The following PHF20 variants were observed in gnomAD, a reference collection of about 807,000 sequenced individuals.
PHF20 encodes the protein glioma-expressed antigen 2.
A neutral mutation model predicts 113.5 loss-of-function variants in PHF20; 23 were observed. The observed-to-expected ratio is 0.20, with a 90% CI of 0.15 to 0.29. PHF20 has a LOEUF of 0.29. PHF20 is among the 10% of genes least tolerant of loss of function. The pLI is 1.00. For synonymous variants in PHF20, 434 were observed against 457.3 expected, an observed-to-expected ratio of 0.95 and a Z score of 0.65; for missense variants, 943 against 1,219.6, an observed-to-expected ratio of 0.77 and a Z score of 3.38.
At chr20:35,836,036 G>A (rs1030839839) in intron 2 of PHF20, among the ~76,000 whole-genome samples, 1 of 151,902 alleles carries the variant, frequency 6.6e-6, no homozygotes, top group Non-Finnish European at 1.5e-5. Flanking sequence ...TTAGATGGGG[G>A]TCTCACTCTG....
chr20:35,934,136 A>T (rs1275951209), intron 15 of PHF20, among the ~76,000 whole-genome samples: 5 of 152,184 alleles, frequency 3.3e-5, no homozygotes, highest in Admixed American at 1.3e-4. Context: ...CTTTGTGCTG[A>T]TCAGGCCTAG....
intron 15 of PHF20, among the ~76,000 whole-genome samples, chr20:35,937,323 C>A (rs1324929921): frequency 6.6e-6 from 1 of 151,968 alleles, no homozygotes; most frequent in Non-Finnish European, 1.5e-5. Context: ...ACAAAATTAG[C>A]TGGGCATGGT....
chr20:35,947,533 C>A lies in PHF20; in HGVS notation c.2945C>A (p.Pro982Gln). 1 of 1,614,014 alleles carries A rather than the reference C, an allele frequency of 6.2e-7. No homozygotes were observed. The highest frequency in any genetic ancestry group is 8.5e-7 in the Non-Finnish European group (1 of 1,179,958). ...ACTGGGGAACTGGAGCCCCCTGAGC[C>A]GCTGGCCAGGCTTCCGCAGCTCAAG... ...DYTGELEPPE[P>Q]LARLPQLKHC... Residue 982 changes from proline (P) to glutamine (Q), a missense_variant, in exon 18 of 18, where the codon CCG (proline) becomes CAG (glutamine). This residue lies in a region of PHF20 where 349 missense variants were observed against 412.3 expected (regional missense o/e 0.85). Coordinates refer to ENST00000374012, the MANE Select transcript of PHF20 (RefSeq NM_016436.5).
intron 17 of PHF20, among the ~76,000 whole-genome samples, chr20:35,944,778 G>C (rs377354579): frequency 2.6e-5 from 4 of 152,200 alleles, no homozygotes; most frequent in South Asian, 4.1e-4. Flanking sequence ...TGTTGGCCAG[G>C]CTTGTCTTGA....
intron 1 of PHF20, among the ~76,000 whole-genome samples, chr20:35,783,714 C>T (rs1337563397): frequency 1.3e-5 from 2 of 151,582 alleles, no homozygotes; most frequent in African/African-American, 4.8e-5. Context: ...GGGCATGGTG[C>T]CTCACTCCTG....
chr20:35,780,910 A>G (rs371043260), intron 1 of PHF20, among the ~76,000 whole-genome samples: 27 of 101,882 alleles, frequency 2.7e-4, no homozygotes, highest in South Asian at 6.1e-4. Context: ...CTGGAGTGCA[A>G]TGGCACGATC....
chr20:35,930,475 G>A (rs80288574), intron 14 of PHF20, among the ~76,000 whole-genome samples: 1 of 152,028 alleles, frequency 6.6e-6, no homozygotes, highest in African/African-American at 2.4e-5. Context: ...CCACTCCTGG[G>A]CAACATGGCA....
At chr20:35,837,626 G>C (rs920961901) in intron 2 of PHF20, among the ~76,000 whole-genome samples, 1 of 152,240 alleles carries the variant, frequency 6.6e-6, no homozygotes, top group African/African-American at 2.4e-5. Context: ...TTGATTATCA[G>C]CAATTAAATG....
chr20:35,917,380 G>T (rs1568761951), intron 12 of PHF20, 104 bp from the exon 13 acceptor site: 2 of 1,009,178 alleles, frequency 2.0e-6, no homozygotes, highest in Non-Finnish European at 3.1e-6. Context: ...GAATGTTCTT[G>T]TTTGGAGGTA....
intron 10 of PHF20, among the ~76,000 whole-genome samples, chr20:35,903,077 CTT>C (rs376888832): frequency 5.0e-5 from 3 of 60,002 alleles, no homozygotes; most frequent in Non-Finnish European, 9.9e-5. Flanking sequence ...CCTATCCTTT[CTT>C]TTTTTTTTTT....
chr20:35,786,042 AAAAC>A (rs2041404096), intron 1 of PHF20, among the ~76,000 whole-genome samples: 1 of 150,420 alleles, frequency 6.6e-6, no homozygotes, highest in African/African-American at 2.4e-5. Context: ...AAAAAAAAAA[AAAAC>A]AAAAAAAAAA....
At chr20:35,849,430 GCT>G in intron 4 of PHF20, 1 of 471,144 alleles carries the variant, frequency 2.1e-6, no homozygotes, top group Non-Finnish European at 4.4e-6. Context: ...TGAAGTAGGT[GCT>G]GAAATAGAGC....
chr20:35,829,779 G>A (rs1470991191), intron 2 of PHF20, among the ~76,000 whole-genome samples: 1 of 152,066 alleles, frequency 6.6e-6, no homozygotes, highest in Non-Finnish European at 1.5e-5. Context: ...CATATTGCAT[G>A]AGCCCAGGAG....
chr20:35,796,040 C>T (rs962333279), intron 1 of PHF20, among the ~76,000 whole-genome samples: 1 of 151,906 alleles, frequency 6.6e-6, no homozygotes, highest in Non-Finnish European at 1.5e-5. Flanking sequence ...TTAGTGGAGA[C>T]GGGGTTTCAC....
At chr20:35,938,477 C>A (rs1451806123) in intron 15 of PHF20, among the ~76,000 whole-genome samples, 6 of 152,122 alleles carry the variant, frequency 3.9e-5, no homozygotes. Flanking sequence ...GACTGAGAGT[C>A]CAGTCCCACT....
At chr20:35,857,573 T>G (rs56994650) in intron 4 of PHF20, among the ~76,000 whole-genome samples, 89 of 128,710 alleles carry the variant, frequency 6.9e-4, no homozygotes, top group African/African-American at 2.6e-3. Context: ...TTTTTTTTTT[T>G]TTTTTTTTTT....
chr20:35,879,336 A>T (rs1309071455), intron 9 of PHF20, among the ~76,000 whole-genome samples: 3 of 152,178 alleles, frequency 2.0e-5, no homozygotes, highest in Non-Finnish European at 4.4e-5. Context: ...CATGAGAATA[A>T]CTTATGGATT....
At chr20:35,879,325 AC>A (rs1232247640) in intron 9 of PHF20, among the ~76,000 whole-genome samples, 1 of 152,186 alleles carries the variant, frequency 6.6e-6, no homozygotes, top group Non-Finnish European at 1.5e-5. Context: ...ACAATTGTAA[AC>A]ATGAGAATAA....
rs1251173837 is a variant in PHF20, at chr20:35,931,359, A to T, written c.2215A>T (p.Ile739Phe). Residue 739 changes from isoleucine (I) to phenylalanine (F), a missense_variant, in exon 15 of 18, where the codon ATC becomes TTC. Transcript: ENST00000374012. ...CTACTCCCATCAGAATGCCAAGAAG[A>T]TCGTGGCCACCCACCAGCTTCTTGG... The part of the protein sequence containing the change: ...ENYSHQNAKK[I>F]VATHQLLGDV... The T allele has an allele frequency of 3.1e-6, 5 of 1,613,934 alleles. No homozygotes were observed.
Sources: gnomAD v4.1 joint callset for allele counts (sites outside exome capture counted in the v4.1 genomes callset) on GRCh38, gnomAD v4.1.1 for gene constraint, gnomAD v4.1.1 regional missense constraint, MANE v1.5 for transcripts, NCBI Gene and HGNC (gene_info 2026-07-23, HGNC 2026-07-21) for gene names.